MYOM2: variants seen among roughly 807,000 people sequenced by gnomAD.
MYOM2 encodes the protein myomesin 2, also known as myomesin-2.
In MYOM2, 254 loss-of-function variants were observed where a neutral mutation model predicts 187.6. The observed-to-expected ratio is 1.35, with a 90% CI of 1.22 to 1.50. The LOEUF is 1.50. Ranked by LOEUF, MYOM2 falls within the 40% of genes most tolerant of loss-of-function variation. The probability of loss-of-function intolerance (pLI) is 0.00; values close to 1 mark genes in which losing one functional copy is unlikely to be tolerated. For missense variants in MYOM2, 2,796 were observed against 1,924.0 expected (o/e 1.45, Z -8.48); for synonymous variants, 981 against 753.8 (o/e 1.30, Z -4.94).
chr8:2,106,681 G>T lies in MYOM2; in HGVS notation c.2998+84G>T, dbSNP rs560107118. On this transcript the variant is annotated intron_variant, in intron 23 of 36. Coordinates refer to ENST00000262113, the MANE Select transcript of MYOM2 (RefSeq NM_003970.4). ...ACACCAACATAGAAAAGACTTACTT[G>T]CTTAGAAAAAAGACGTATGTTTGCA... The T allele has an allele frequency of 1.3e-4, 130 of 1,035,670 alleles. 2 individuals carry two copies. The South Asian group carries it at 1.8e-3, about 14-fold the overall frequency. 64.2% of individuals were successfully genotyped at this position (1,035,670 alleles called of 1,614,324 possible). A position where few individuals can be genotyped will look rare whatever the true frequency, so the allele number is the denominator to read the frequency against.
intron 6 of MYOM2, among the ~76,000 whole-genome samples, chr8:2,063,059 T>G (rs1442341444): frequency 6.6e-6 from 1 of 152,214 alleles, no homozygotes; most frequent in African/African-American, 2.4e-5. Context: ...ATGCAAATAT[T>G]TGGGAAACTT....
chr8:2,140,325 A>G (rs1005189773), intron 32 of MYOM2, among the ~76,000 whole-genome samples: 2 of 151,964 alleles, frequency 1.3e-5, no homozygotes, highest in African/African-American at 2.4e-5. Context: ...GTCGTGAACG[A>G]TACTACGAAG....
intron 21 of MYOM2, among the ~76,000 whole-genome samples, chr8:2,103,628 G>GT (rs1301567413): frequency 5.3e-5 from 8 of 151,726 alleles, no homozygotes; most frequent in African/African-American, 1.9e-4. Flanking sequence ...ATGGATAAAT[G>GT]AGTGGGAGAG....
chr8:2,144,762 G>A lies in MYOM2; in HGVS notation c.4179G>A (p.Val1393=). The change falls in exon 37 of 37, where the codon GTG becomes GTA. Residue 1393 remains valine, a synonymous_variant. Coordinates refer to ENST00000262113, the MANE Select transcript of MYOM2 (RefSeq NM_003970.4). ...TCCAGCTCAGCGAGCACTTCTCGGT[G>A]AAGGTGGAGCAGGCCAAGTACGTCA... ...QDIQLSEHFS[V]KVEQAKYVSM... 1 of 1,614,246 alleles carries A rather than the reference G, an allele frequency of 6.2e-7. No individual in the cohort carries two copies. Among genetic ancestry groups the A allele is most frequent in the Non-Finnish European group, 8.5e-7 (1 of 1,180,052 alleles).
chr8:2,123,788 T>C (rs752646767), intron 30 of MYOM2, 146 bp downstream of exon 30: 2 of 710,032 alleles, frequency 2.8e-6, no homozygotes, highest in Non-Finnish European at 4.7e-6. Flanking sequence ...AAACTATTTG[T>C]TCTTTGGTTG....
intron 1 of MYOM2, among the ~76,000 whole-genome samples, chr8:2,047,965 T>C (rs893539050): frequency 2.6e-5 from 4 of 152,254 alleles, no homozygotes; most frequent in East Asian, 1.9e-4. Flanking sequence ...TCTCAAGACC[T>C]GAGCCGTTTC....
chr8:2,120,009 G>C (rs965498202), intron 28 of MYOM2, among the ~76,000 whole-genome samples: 3 of 152,194 alleles, frequency 2.0e-5, no homozygotes, highest in Admixed American at 2.0e-4. Context: ...ACAGTGGGGG[G>C]AGTGGCAGGA....
chr8:2,080,085 G>A (rs931822076), intron 13 of MYOM2, among the ~76,000 whole-genome samples: 4 of 152,174 alleles, frequency 2.6e-5, no homozygotes, highest in Admixed American at 6.5e-5. Flanking sequence ...ATTTGATTTT[G>A]TGGATATTTC....
Position 2,077,465 on chromosome 8 carries a change from T to C in MYOM2, c.1262+1183T>C, listed in dbSNP as rs574537911. Among the ~76,000 whole-genome samples the C allele has an allele frequency of 4.6e-5, 7 of 152,334 alleles. No homozygotes were observed. In the East Asian group the frequency reaches 1.3e-3, roughly 29 times the overall value. On this transcript the variant is annotated intron_variant, in intron 11 of 36. Coordinates refer to ENST00000262113, the MANE Select transcript of MYOM2 (RefSeq NM_003970.4). ...GAGGGAATTGGCTTTTGTTTGTTTGTTTGTTTATGCTGATTAAATTCTCTT... is the reference window on the plus strand; with the variant it reads ...GAGGGAATTGGCTTTTGTTTGTTTGCTTGTTTATGCTGATTAAATTCTCTT...
intron 17 of MYOM2, among the ~76,000 whole-genome samples, chr8:2,095,904 G>A (rs747771664): frequency 5.3e-5 from 8 of 152,140 alleles, no homozygotes; most frequent in East Asian, 1.9e-4. Context: ...AAGCTCCTTC[G>A]CCAAGCTTCT....
intron 1 of MYOM2, among the ~76,000 whole-genome samples, chr8:2,049,119 G>A (rs959502758): frequency 6.6e-6 from 1 of 152,154 alleles, no homozygotes; most frequent in Non-Finnish European, 1.5e-5. Flanking sequence ...GAGGTGCAAC[G>A]TTCCGTTATA....
chr8:2,122,265 G>C (rs899442791), intron 28 of MYOM2, among the ~76,000 whole-genome samples: 5 of 152,306 alleles, frequency 3.3e-5, no homozygotes, highest in South Asian at 2.1e-4. Flanking sequence ...ATAAAGGAGT[G>C]GTTCTGATTT....
At chr8:2,141,922 C>T (rs1334550784) in intron 34 of MYOM2, among the ~76,000 whole-genome samples, 1 of 152,130 alleles carries the variant, frequency 6.6e-6, no homozygotes, top group Non-Finnish European at 1.5e-5. Context: ...AATGCACCAT[C>T]GAGTCTTCGC....
intron 4 of MYOM2, 45 bp downstream of exon 4, chr8:2,057,531 A>G (rs117874764): frequency 0.011 from 17,519 of 1,613,350 alleles, 143 homozygotes; most frequent in Non-Finnish European, 0.013. Context: ...AGCGTGGACT[A>G]GATCTTAGCT....
Position 2,050,847 on chromosome 8 carries a change from C to A in MYOM2, c.81C>A (p.Tyr27Ter), listed in dbSNP as rs1253130832. ...CCTACCGTAATATTCAAACACGGTA[C>A]CTGCTGGACGAATATGCGTCAAAAA... ...DQSYRNIQTR[Y>*]LLDEYASKKR... The change falls in exon 2 of 37, where the codon TAC becomes TAA. Residue 27 changes from tyrosine (Y) to a stop codon, truncating the protein, a stop_gained. Coordinates refer to ENST00000262113, the MANE Select transcript of MYOM2 (RefSeq NM_003970.4). LOFTEE classifies it high-confidence loss of function. 1 of 1,611,504 alleles carries A rather than the reference C, an allele frequency of 6.2e-7. No individual in the cohort carries two copies. Among genetic ancestry groups the A allele is most frequent in the Non-Finnish European group, 8.5e-7 (1 of 1,177,796 alleles).
At chr8:2,071,709 C>T (rs1819226623) in intron 8 of MYOM2, among the ~76,000 whole-genome samples, 1 of 152,194 alleles carries the variant, frequency 6.6e-6, no homozygotes. Flanking sequence ...GCTGGAACAA[C>T]ACGCCATGGC....
At chr8:2,119,883 G>C (rs1020452280) in intron 28 of MYOM2, among the ~76,000 whole-genome samples, 65 of 152,096 alleles carry the variant, frequency 4.3e-4, no homozygotes, top group African/African-American at 1.4e-3. Flanking sequence ...ATGAGGGGGC[G>C]GGGGGGATGC....
chr8:2,064,581 G>C (rs1000667358), intron 6 of MYOM2, among the ~76,000 whole-genome samples: 3 of 152,214 alleles, frequency 2.0e-5, no homozygotes, highest in Non-Finnish European at 4.4e-5. Flanking sequence ...TCTTCCCCCA[G>C]TGGCTCCTGC....
At chr8:2,085,195 C>T (rs924399385) in intron 13 of MYOM2, 68 bp from the exon 14 acceptor site, 35 of 1,572,068 alleles carry the variant, frequency 2.2e-5, no homozygotes, top group Non-Finnish European at 2.5e-5. Context: ...TCCTCCAGTG[C>T]CCCGAGGTGG....
Sources: allele counts gnomAD v4.1 joint callset (sites outside exome capture counted in the v4.1 genomes callset), GRCh38; gene constraint gnomAD v4.1.1; transcripts MANE v1.5; gene names NCBI Gene and HGNC (gene_info 2026-07-23, HGNC 2026-07-21).